Variants in DIP2C observed in about 807,000 individuals in gnomAD.
The protein encoded by DIP2C is DIP2 acetate--CoA ligase C (putative), also known as disco-interacting protein 2 homolog C.
A neutral mutation model predicts 192.4 loss-of-function variants in DIP2C; 33 were observed. The observed-to-expected ratio is 0.17, with a 90% CI of 0.13 to 0.23. The LOEUF (loss-of-function observed/expected upper bound fraction) is 0.23, where lower values mean the gene tolerates loss of function less well. DIP2C is among the 10% of genes least tolerant of loss of function. The pLI is 1.00. For synonymous variants in DIP2C, 979 were observed against 864.1 expected (o/e 1.13, Z -2.33); for missense variants, 1,537 against 2,110.1 (o/e 0.73, Z 5.32).
intron 1 of DIP2C, among the ~76,000 whole-genome samples, chr10:596,463 T>C (rs551791939): frequency 1.7e-4 from 21 of 125,998 alleles, no homozygotes; most frequent in African/African-American, 6.0e-4. Context: ...GCCATTGCAC[T>C]TCAGCCTGGG....
chr10:301,238 G>A (rs942531155), intron 32 of DIP2C, among the ~76,000 whole-genome samples: 2 of 152,194 alleles, frequency 1.3e-5, no homozygotes, highest in African/African-American at 4.8e-5. Context: ...GGGTGGCCGC[G>A]GGTGAAAAGG....
At chr10:607,372 G>A (rs146416207) in intron 1 of DIP2C, among the ~76,000 whole-genome samples, 5 of 152,302 alleles carry the variant, frequency 3.3e-5, no homozygotes, top group Non-Finnish European at 5.9e-5. Flanking sequence ...AGCCAGTGGT[G>A]CTCACGTCTG....
intron 2 of DIP2C, among the ~76,000 whole-genome samples, chr10:475,664 T>C (rs1388701299): frequency 6.6e-6 from 1 of 152,164 alleles, no homozygotes; most frequent in African/African-American, 2.4e-5. Context: ...ATGAATAAAA[T>C]AGAAGAACTA....
chr10:369,760 G>A, intron 17 of DIP2C, 127 bp from the exon 18 acceptor site: 1 of 1,512,436 alleles, frequency 6.6e-7, no homozygotes, highest in Non-Finnish European at 9.1e-7. Context: ...CAGGCACAGT[G>A]CTGGCTGCCC....
At chr10:488,401 G>C (rs750599490) in intron 1 of DIP2C, among the ~76,000 whole-genome samples, 1 of 152,180 alleles carries the variant, frequency 6.6e-6, no homozygotes, top group Non-Finnish European at 1.5e-5. Context: ...ATCCTTATAA[G>C]AACTTATTTT....
intron 17 of DIP2C, chr10:369,986 T>C (rs1239225760): frequency 1.0e-6 from 1 of 985,310 alleles, no homozygotes; most frequent in Admixed American, 6.1e-5. Context: ...TCCCGGCTCC[T>C]GCTCACTCCA....
chr10:370,059 C>G (rs1285874794), intron 17 of DIP2C: 2 of 985,038 alleles, frequency 2.0e-6, no homozygotes, highest in African/African-American at 3.5e-5. Flanking sequence ...AGAATGCAGA[C>G]AAAACCACTG....
intron 1 of DIP2C, among the ~76,000 whole-genome samples, chr10:564,257 C>A (rs904140437): frequency 1.3e-5 from 2 of 151,712 alleles, no homozygotes; most frequent in Non-Finnish European, 2.9e-5. Context: ...TCTGGGTGAA[C>A]GTCACTGGCT....
chr10:429,879 C>G (rs567002004), intron 4 of DIP2C, among the ~76,000 whole-genome samples: 2 of 152,196 alleles, frequency 1.3e-5, no homozygotes, highest in Admixed American at 6.5e-5. Flanking sequence ...CGTAAGTTTT[C>G]AACTCCTTTG....
chr10:596,849 C>T (rs1851738979), intron 1 of DIP2C, among the ~76,000 whole-genome samples: 1 of 152,226 alleles, frequency 6.6e-6, no homozygotes, highest in Non-Finnish European at 1.5e-5. Flanking sequence ...GACAAAGACA[C>T]CCAGAACCAC....
chr10:531,306 G>A (rs1847356187), intron 1 of DIP2C, among the ~76,000 whole-genome samples: 1 of 152,026 alleles, frequency 6.6e-6, no homozygotes, highest in Non-Finnish European at 1.5e-5. Flanking sequence ...CGAACCTGAT[G>A]AACACACACA....
intron 1 of DIP2C, among the ~76,000 whole-genome samples, chr10:598,216 G>T (rs1851834404): frequency 6.6e-6 from 1 of 152,144 alleles, no homozygotes; most frequent in Admixed American, 6.5e-5. Flanking sequence ...ACCACCAAGG[G>T]CCACGAGGGC....
chr10:497,540 G>A lies in DIP2C; in HGVS notation c.86-11010C>T, dbSNP rs538229930. On this transcript the variant is annotated intron_variant, in intron 1 of 36. Coordinates refer to ENST00000280886, the MANE Select transcript of DIP2C (RefSeq NM_014974.3). ...CCTTCACTTGCGAACTGTTTGCTGCGGCAACGAGCTCAAGACCTTGTCTTC... is the reference window on the plus strand; with the variant it reads ...CCTTCACTTGCGAACTGTTTGCTGCAGCAACGAGCTCAAGACCTTGTCTTC... Among the ~76,000 whole-genome samples, 10 of 152,092 alleles carry A rather than the reference G, an allele frequency of 6.6e-5. No homozygotes were observed. In the East Asian group the frequency reaches 7.7e-4, roughly 12 times the overall value.
chr10:564,530 G>A (rs1849365210), intron 1 of DIP2C, among the ~76,000 whole-genome samples: 1 of 152,184 alleles, frequency 6.6e-6, no homozygotes, highest in Non-Finnish European at 1.5e-5. Flanking sequence ...GCGCAGCAGA[G>A]CTAAGGGTGT....
At position 325,062 on chromosome 10, in the gene DIP2C, A is replaced by G. The variant is rs191026550; in HGVS notation, c.3924+1944T>C. On this transcript the variant is annotated intron_variant, in intron 31 of 36. Transcript: ENST00000280886. ...AGGCGGATCATGAGGTCAGGAGATC[A>G]AAACCATGCTGGCTAACACGGTGAA... The G allele has an allele frequency of 3.3e-3, 1,482 of 448,150 alleles. 53 individuals are homozygous for G. In the Admixed American group the frequency reaches 0.035, roughly 11 times the overall value. The allele number at this position is 448,150 out of a possible 1,614,324, so 27.8% of individuals were successfully genotyped here.
intron 1 of DIP2C, among the ~76,000 whole-genome samples, chr10:543,921 TCCG>T (rs1848138383): frequency 6.6e-6 from 1 of 152,262 alleles, no homozygotes; most frequent in South Asian, 2.1e-4. Flanking sequence ...GCTGCTTCCT[TCCG>T]CCAGCCCCTG....
chr10:395,245 T>C (rs971860843), intron 10 of DIP2C, among the ~76,000 whole-genome samples: 3 of 152,118 alleles, frequency 2.0e-5, no homozygotes, highest in Admixed American at 2.0e-4. Flanking sequence ...AGGGTAACTA[T>C]AATAAATGAA....
At chr10:391,462 C>A (rs1322172014) in intron 10 of DIP2C, among the ~76,000 whole-genome samples, 1 of 152,188 alleles carries the variant, frequency 6.6e-6, no homozygotes, top group Admixed American at 6.5e-5. Context: ...ACTGGAGACA[C>A]CAGATACAGG....
chr10:519,754 T>A (rs528245813), intron 1 of DIP2C, among the ~76,000 whole-genome samples: 5 of 152,354 alleles, frequency 3.3e-5, no homozygotes, highest in Non-Finnish European at 7.3e-5. Context: ...TCGCTAACAC[T>A]TTCTCTGCAT....
Sources: gnomAD v4.1 joint callset for allele counts (sites outside exome capture counted in the v4.1 genomes callset) on GRCh38, gnomAD v4.1.1 for gene constraint, MANE v1.5 for transcripts, NCBI Gene and HGNC (gene_info 2026-07-23, HGNC 2026-07-21) for gene names.